LRRIQ1: variants seen among roughly 807,000 people sequenced by gnomAD.
LRRIQ1 encodes the protein leucine rich repeats and IQ motif containing 1.
LRRIQ1 carries 210 observed loss-of-function variants against 211.9 expected under a neutral mutation model. The ratio of observed to expected loss-of-function variants is 0.99; its 90% CI spans 0.89 to 1.11. LRRIQ1 has a LOEUF of 1.11. Among genes scored for constraint, LRRIQ1 ranks in the 50% most tolerant of loss-of-function variants. LRRIQ1 has a pLI of 0.00. For missense variants in LRRIQ1, 2,136 were observed against 1,939.5 expected (o/e 1.10, Z -1.90); for synonymous variants, 699 against 650.1 (o/e 1.08, Z -1.14).
In LRRIQ1 at chr12:85,064,413, G is replaced by C. The variant is rs1246223678; in HGVS notation, c.2392-849G>C. On this transcript the variant is annotated intron_variant, in intron 8 of 26. Transcript: ENST00000393217. ...GTTGTTTGAGCTTCTTATATATTCC[G>C]GTTACTAATCCCTTGTCAGATGGAT... 2.0e-5 allele frequency among the ~76,000 whole-genome samples: 3 copies of C among 151,642 alleles called. No individual in the cohort carries two copies. In the Admixed American group the frequency reaches 2.0e-4, roughly 10 times the overall value.
At chr12:85,224,439 T>C (rs1042622157) in intron 24 of LRRIQ1, among the ~76,000 whole-genome samples, 7 of 152,150 alleles carry the variant, frequency 4.6e-5, no homozygotes, top group African/African-American at 1.4e-4. Context: ...TCCATACATA[T>C]GTTTATTGCA....
chr12:85,107,088 A>G (rs1447803355), intron 15 of LRRIQ1, among the ~76,000 whole-genome samples: 3 of 152,130 alleles, frequency 2.0e-5, no homozygotes, highest in Admixed American at 6.5e-5. Flanking sequence ...GGAATATTGC[A>G]ATACCTAAAT....
chr12:85,269,509 C>A, the LRRIQ1 span, among the ~76,000 whole-genome samples: 2 of 151,986 alleles, frequency 1.3e-5, no homozygotes, highest in Non-Finnish European at 1.5e-5. Context: ...ATTGGCATTT[C>A]ATTCTGTTGA....
At chr12:85,043,519 T>A (rs1392381769) in intron 3 of LRRIQ1, among the ~76,000 whole-genome samples, 1 of 152,106 alleles carries the variant, frequency 6.6e-6, no homozygotes, top group Non-Finnish European at 1.5e-5. Context: ...TGATCTTTTC[T>A]CAGACATCAT....
intron 17 of LRRIQ1, among the ~76,000 whole-genome samples, chr12:85,126,736 C>T (rs1172310643): frequency 1.3e-5 from 2 of 151,786 alleles, no homozygotes; most frequent in East Asian, 3.9e-4. Context: ...ATGATGTTAA[C>T]AATGATGATG....
At chr12:85,228,682 T>G (rs1471325769) in intron 24 of LRRIQ1, among the ~76,000 whole-genome samples, 1 of 152,210 alleles carries the variant, frequency 6.6e-6, no homozygotes, top group Admixed American at 6.5e-5. Flanking sequence ...TAAGCTTGTA[T>G]GTATGTGTGT....
chr12:85,188,388 C>T (rs1892332556), intron 24 of LRRIQ1, among the ~76,000 whole-genome samples: 1 of 152,086 alleles, frequency 6.6e-6, no homozygotes. Flanking sequence ...ACACAGAATG[C>T]ATAAACAGCA....
intron 11 of LRRIQ1, among the ~76,000 whole-genome samples, chr12:85,096,107 AAG>A (rs1304313568): frequency 6.6e-5 from 10 of 152,140 alleles, no homozygotes; most frequent in Non-Finnish European, 1.3e-4. Context: ...CTTTCAAAGA[AAG>A]AGCTTTCAAT....
intron 18 of LRRIQ1, among the ~76,000 whole-genome samples, chr12:85,133,743 G>A (rs889824196): frequency 6.6e-6 from 1 of 152,090 alleles, no homozygotes; most frequent in Non-Finnish European, 1.5e-5. Context: ...CACTCAGAAA[G>A]TAGGGTAGGT....
chr12:85,268,140 A>G (rs1284987883), downstream of LRRIQ1, among the ~76,000 whole-genome samples: 1 of 151,960 alleles, frequency 6.6e-6, no homozygotes, highest in African/African-American at 2.4e-5. Flanking sequence ...ATGATGGGAA[A>G]TATTTCCATG....
At chr12:85,237,823 A>C (rs1311577245) in intron 26 of LRRIQ1, among the ~76,000 whole-genome samples, 1 of 152,190 alleles carries the variant, frequency 6.6e-6, no homozygotes, top group African/African-American at 2.4e-5. Context: ...AAAAGCTAAC[A>C]GAGTTTAAAG....
At chr12:85,164,426 A>T (rs908014227) in intron 24 of LRRIQ1, among the ~76,000 whole-genome samples, 1 of 152,190 alleles carries the variant, frequency 6.6e-6, no homozygotes, top group Non-Finnish European at 1.5e-5. Flanking sequence ...GTACTTAGGC[A>T]TGGGGAGTAT....
rs1253410620 is a variant in LRRIQ1 at position 85,098,490 on chromosome 12, G to A, written c.3023G>A (p.Gly1008Asp). ...CATAATCATCTTACTGATGTAGAGG[G>A]CGTTGAAAATTGTGGATTGCTCCAA... ...CSHNHLTDVEGVENCGLLQIL... is the reference protein window; with the variant it reads ...CSHNHLTDVEDVENCGLLQIL... Residue 1008 changes from glycine to aspartate, a missense_variant, in exon 12 of 27, where the codon GGC (glycine) becomes GAC (aspartate). Coordinates refer to ENST00000393217, the MANE Select transcript of LRRIQ1 (RefSeq NM_001079910.2). The A allele has an allele frequency of 6.2e-7, 1 of 1,611,530 alleles. No individual in the cohort carries two copies. Among genetic ancestry groups the A allele is most frequent in the Non-Finnish European group, 8.5e-7 (1 of 1,178,908 alleles).
chr12:85,153,626 G>T (rs1188618107), intron 21 of LRRIQ1, 37 bp from the exon 22 acceptor site: 2 of 1,313,532 alleles, frequency 1.5e-6, no homozygotes, highest in Non-Finnish European at 2.1e-6. Flanking sequence ...ATATACTTGT[G>T]TTGATTCAGT....
At chr12:85,187,533 G>A (rs760451453) in intron 24 of LRRIQ1, among the ~76,000 whole-genome samples, 21 of 152,024 alleles carry the variant, frequency 1.4e-4, no homozygotes, top group South Asian at 4.1e-4. Flanking sequence ...TCAGCCGGGC[G>A]CGGTGGTTCA....
intron 24 of LRRIQ1, among the ~76,000 whole-genome samples, chr12:85,218,106 C>T (rs2137114537): frequency 6.6e-6 from 1 of 152,116 alleles, no homozygotes; most frequent in South Asian, 2.1e-4. Context: ...AGACCATCTA[C>T]TCTTCTTATC....
chr12:85,106,735 C>G, intron 15 of LRRIQ1, 120 bp downstream of exon 15: 2 of 675,328 alleles, frequency 3.0e-6, no homozygotes, highest in Non-Finnish European at 4.9e-6. Flanking sequence ...AATTAAAAGT[C>G]ATTTTAAACC....
chr12:85,229,748 C>A, intron 25 of LRRIQ1, 99 bp downstream of exon 25: 2 of 1,225,246 alleles, frequency 1.6e-6, no homozygotes, highest in Non-Finnish European at 2.3e-6. Flanking sequence ...ACTTTATTGC[C>A]AAAGGCCAAT....
At chr12:85,062,988 C>T (rs1260400607) in intron 8 of LRRIQ1, among the ~76,000 whole-genome samples, 1 of 151,660 alleles carries the variant, frequency 6.6e-6, no homozygotes, top group Non-Finnish European at 1.5e-5. Context: ...TTGTTGGCCA[C>T]GTGTATGTCT....
Sources: allele counts gnomAD v4.1 joint callset (sites outside exome capture counted in the v4.1 genomes callset), GRCh38; gene constraint gnomAD v4.1.1; transcripts MANE v1.5; gene names NCBI Gene and HGNC (gene_info 2026-07-23, HGNC 2026-07-21).